Variants in FNBP1 observed in about 807,000 individuals in gnomAD.
FNBP1 encodes the protein formin binding protein 1, also known as formin-binding protein 1.
Under a neutral mutation model 90.6 loss-of-function variants are expected in FNBP1, and 26 were observed. The ratio of observed to expected loss-of-function variants is 0.29; its 90% CI spans 0.21 to 0.40. The LOEUF is 0.40. Ranked by LOEUF, FNBP1 falls within the 10% of genes least tolerant of loss-of-function variation. The pLI is 1.00. For synonymous variants in FNBP1, 260 were observed against 265.2 expected, an observed-to-expected ratio of 0.98 and a Z score of 0.19; for missense variants, 635 against 768.0, an observed-to-expected ratio of 0.83 and a Z score of 2.05.
chr9:129,894,692 C>A (rs2035457821), intron 16 of FNBP1, among the ~76,000 whole-genome samples: 1 of 152,184 alleles, frequency 6.6e-6, no homozygotes, highest in African/African-American at 2.4e-5. Flanking sequence ...AAATCACAGC[C>A]AAAAGGAGCT....
intron 6 of FNBP1, among the ~76,000 whole-genome samples, chr9:129,943,490 G>C: frequency 6.9e-6 from 1 of 144,404 alleles, no homozygotes; most frequent in East Asian, 2.1e-4. Flanking sequence ...AGCTTCAAGC[G>C]ATTCTCCTGC....
At position 129,927,313 on chromosome 9, in the gene FNBP1, A is replaced by G. The variant is rs762203452; in HGVS notation, c.671T>C (p.Ile224Thr). 6.2e-7 allele frequency: 1 copy of G among 1,612,652 alleles called. No homozygotes were observed. The highest frequency in any genetic ancestry group is 8.5e-7 in the Non-Finnish European group (1 of 1,179,250). ...QKIQEMEERR[I>T]VRMGESMKTY... Reference sequence around the variant, plus strand: ...CTTCATGGACTCTCCCATTCTCACAATCCTCCTTTCCTCCATCTCTTGTAT... The same window carrying G: ...CTTCATGGACTCTCCCATTCTCACAGTCCTCCTTTCCTCCATCTCTTGTAT... The change falls in exon 8 of 17, where the codon ATT becomes ACT. Residue 224 changes from isoleucine to threonine, a missense_variant. Transcript: ENST00000446176.
chr9:130,007,945 C>G (rs903000053), intron 1 of FNBP1, among the ~76,000 whole-genome samples: 1 of 148,802 alleles, frequency 6.7e-6, no homozygotes, highest in Admixed American at 6.8e-5. Context: ...TTGCAGTGAG[C>G]CAAGATCGCA....
intron 1 of FNBP1, among the ~76,000 whole-genome samples, chr9:130,018,521 T>C (rs1347749014): frequency 2.0e-5 from 3 of 152,118 alleles, no homozygotes; most frequent in Non-Finnish European, 4.4e-5. Flanking sequence ...GTGTGACCAA[T>C]AGTGCTGTAA....
At chr9:129,939,860 G>T (rs943263526) in intron 6 of FNBP1, among the ~76,000 whole-genome samples, 1 of 152,108 alleles carries the variant, frequency 6.6e-6, no homozygotes, top group Non-Finnish European at 1.5e-5. Context: ...TGATGCGATA[G>T]TAAGAAAAAT....
intron 7 of FNBP1, among the ~76,000 whole-genome samples, chr9:129,928,440 C>T (rs1189806255): frequency 6.6e-6 from 1 of 151,652 alleles, no homozygotes; most frequent in Non-Finnish European, 1.5e-5. Context: ...GGGCGGATCA[C>T]CTGAGGTCAG....
At chr9:129,921,815 A>C (rs1219305287) in intron 10 of FNBP1, among the ~76,000 whole-genome samples, 3 of 152,242 alleles carry the variant, frequency 2.0e-5, no homozygotes. Flanking sequence ...CAAGTCTAAG[A>C]AGGACATCTC....
In FNBP1 at chr9:129,889,806, G is replaced by A. The variant is rs62620183; in HGVS notation, c.*733C>T. The A allele has an allele frequency of 2.3e-3, 539 of 232,710 alleles. 1 individual carries two copies. Among genetic ancestry groups the A allele is most frequent in the African/African-American group, 0.011 (491 of 45,370 alleles). The allele number at this position is 232,710 out of a possible 1,614,324, so 14.4% of individuals were successfully genotyped here. A position where few individuals can be genotyped will look rare whatever the true frequency, so the allele number is the denominator to read the frequency against. On this transcript the variant is annotated 3_prime_UTR_variant, in exon 17 of 17. Transcript: ENST00000446176. ...GAGTCAACAAGGCGAGCTGGAATTC[G>A]ACTTCCAGTGTGGACCTCCCCAGGC...
intron 16 of FNBP1, among the ~76,000 whole-genome samples, chr9:129,892,825 G>A (rs1422798052): frequency 6.6e-6 from 1 of 152,092 alleles, no homozygotes; most frequent in East Asian, 1.9e-4. Context: ...ACCTGTTATA[G>A]TACTGAGGCA....
intron 7 of FNBP1, among the ~76,000 whole-genome samples, chr9:129,929,239 G>A (rs531116645): frequency 3.3e-5 from 5 of 151,808 alleles, no homozygotes; most frequent in South Asian, 4.2e-4. Flanking sequence ...GCAAAACCCC[G>A]TCTCTACTAA....
intron 6 of FNBP1, among the ~76,000 whole-genome samples, chr9:129,945,245 G>T (rs2045067900): frequency 6.6e-6 from 1 of 151,942 alleles, no homozygotes; most frequent in African/African-American, 2.4e-5. Flanking sequence ...ATCCATTTTT[G>T]GTAATACTTA....
chr9:129,949,970 G>A (rs1029741804), intron 6 of FNBP1, among the ~76,000 whole-genome samples: 1 of 152,130 alleles, frequency 6.6e-6, no homozygotes, highest in Admixed American at 6.6e-5. Context: ...GTGCTGTGTG[G>A]CTGGCTGCTA....
At chr9:129,940,700 C>T (rs552650032) in intron 6 of FNBP1, among the ~76,000 whole-genome samples, 8 of 152,174 alleles carry the variant, frequency 5.3e-5, no homozygotes, top group African/African-American at 1.7e-4. Context: ...AATCTCGGCT[C>T]ACTGCAACCT....
the FNBP1 span, among the ~76,000 whole-genome samples, chr9:130,052,423 A>G: frequency 6.6e-6 from 1 of 152,082 alleles, no homozygotes; most frequent in Non-Finnish European, 1.5e-5. Flanking sequence ...AAATGGGATT[A>G]AGATTCTTAC....
chr9:129,940,541 T>G (rs1827657146), intron 6 of FNBP1, among the ~76,000 whole-genome samples: 1 of 152,000 alleles, frequency 6.6e-6, no homozygotes, highest in Non-Finnish European at 1.5e-5. Flanking sequence ...CACACACATC[T>G]AATATGAATC....
chr9:129,899,222 C>T (rs769937089), intron 15 of FNBP1, among the ~76,000 whole-genome samples: 24 of 151,876 alleles, frequency 1.6e-4, no homozygotes, highest in Non-Finnish European at 2.9e-4. Context: ...GGATTACAGG[C>T]GCCTGCCAGC....
chr9:130,030,322 C>T (rs2058692211), intron 1 of FNBP1, among the ~76,000 whole-genome samples: 1 of 151,820 alleles, frequency 6.6e-6, no homozygotes, highest in African/African-American at 2.4e-5. Flanking sequence ...GTAATCCCAG[C>T]TACTCAGGAG....
chr9:129,979,332 C>T lies in FNBP1; in HGVS notation c.183G>A (p.Glu61=). The T allele has an allele frequency of 6.2e-7, 1 of 1,604,786 alleles. No homozygotes were observed. The highest frequency in any genetic ancestry group is 8.5e-7 in the Non-Finnish European group (1 of 1,172,456). Residue 61 remains glutamate, a synonymous_variant, in exon 3 of 17, where the codon GAG becomes GAA. Coordinates refer to ENST00000446176, the MANE Select transcript of FNBP1 (RefSeq NM_015033.3). ...KKYQPKKNSK[E]EEEYKYTSCK... ...GGTAAACATACTTGTATTCTTCTTC[C>T]TCCTTCGAGTTCTTTTTAGGTTGGT...
chr9:129,964,795 A>T (rs1048494734), intron 4 of FNBP1, among the ~76,000 whole-genome samples: 1 of 152,022 alleles, frequency 6.6e-6, no homozygotes, highest in African/African-American at 2.4e-5. Context: ...TTTGCTATTT[A>T]TATAGATATT....
Sources: gnomAD v4.1 joint callset for allele counts (sites outside exome capture counted in the v4.1 genomes callset) on GRCh38, gnomAD v4.1.1 for gene constraint, MANE v1.5 for transcripts, NCBI Gene and HGNC (gene_info 2026-07-23, HGNC 2026-07-21) for gene names.